Variants in PIK3R4 observed in about 807,000 individuals in gnomAD.
The protein encoded by PIK3R4 is phosphoinositide-3-kinase regulatory subunit 4, also known as phosphoinositide 3-kinase regulatory subunit 4.
A neutral mutation model predicts 136.5 loss-of-function variants in PIK3R4; 46 were observed. The observed-to-expected ratio is 0.34, with a 90% CI of 0.27 to 0.43. The LOEUF (loss-of-function observed/expected upper bound fraction) is 0.43, where lower values mean the gene tolerates loss of function less well. PIK3R4 is among the 20% of genes least tolerant of loss of function. The pLI, the probability that PIK3R4 is intolerant of heterozygous loss-of-function variation, is 1.00. For synonymous variants in PIK3R4, 557 were observed against 566.7 expected (o/e 0.98, Z 0.24); for missense variants, 1,331 against 1,649.5 (o/e 0.81, Z 3.35).
rs755702968 is a variant in PIK3R4 at position 130,680,726 on chromosome 3, G to A, written c.3798-5C>T. 44 of 1,547,444 alleles carry A rather than the reference G, an allele frequency of 2.8e-5. No individual in the cohort carries two copies. The highest frequency in any genetic ancestry group is 3.9e-5 in the Non-Finnish European group (44 of 1,122,436). On this transcript the variant is annotated splice_region_variant and splice_polypyrimidine_tract_variant and intron_variant, in intron 18 of 19. Transcript: ENST00000356763. ...GGGTAAGCCAAGTCCCAAAACCTAG[G>A]AAAGAGGAAATAAATGATGACAATC...
chr3:130,680,284 C>T (rs189731457), intron 19 of PIK3R4, among the ~76,000 whole-genome samples: 40 of 152,228 alleles, frequency 2.6e-4, no homozygotes, highest in African/African-American at 9.1e-4. Context: ...GTTTAAATCC[C>T]AGCTTTCTGT....
At chr3:130,683,629 C>A (rs2066471848) in intron 16 of PIK3R4, among the ~76,000 whole-genome samples, 1 of 151,926 alleles carries the variant, frequency 6.6e-6, no homozygotes, top group Non-Finnish European at 1.5e-5. Context: ...CAAGAAGGGA[C>A]CACAAAGAGC....
intron 9 of PIK3R4, among the ~76,000 whole-genome samples, chr3:130,713,138 G>T (rs2107611124): frequency 6.6e-6 from 1 of 152,286 alleles, no homozygotes; most frequent in Middle Eastern, 3.4e-3. Flanking sequence ...TAAAGTCATT[G>T]CTGGCTTTCA....
At chr3:130,723,770 T>C (rs2107615786) in intron 6 of PIK3R4, 183 bp from the exon 7 acceptor site, 1 of 490,926 alleles carries the variant, frequency 2.0e-6, no homozygotes, top group East Asian at 3.4e-5. Context: ...CATCAGGAAA[T>C]TCTCGGACAC....
In PIK3R4 at chr3:130,696,505, G is replaced by A. The variant is rs993555575; in HGVS notation, c.3099-5851C>T. Among the ~76,000 whole-genome samples the A allele has an allele frequency of 4.6e-5, 7 of 151,916 alleles. 1 individual carries two copies. Among genetic ancestry groups the A allele is most frequent in the South Asian group, 2.1e-4 (1 of 4,790 alleles). The stretch of plus-strand genomic sequence containing the variant: ...GTATTTTCTAATTTCCCTTTGAAAC[G>A]CTGGGTATTTAGCCATATGTTGTTT... On this transcript the variant is annotated intron_variant, in intron 13 of 19. Transcript: ENST00000356763.
At chr3:130,736,966 G>T (rs916257013) in intron 2 of PIK3R4, among the ~76,000 whole-genome samples, 1 of 152,204 alleles carries the variant, frequency 6.6e-6, no homozygotes, top group African/African-American at 2.4e-5. Flanking sequence ...CAGAAATTTT[G>T]TAAGTATCCA....
At chr3:130,695,635 A>G (rs902861880) in intron 13 of PIK3R4, among the ~76,000 whole-genome samples, 1 of 152,188 alleles carries the variant, frequency 6.6e-6, no homozygotes, top group East Asian at 1.9e-4. Flanking sequence ...ACAGAACAGT[A>G]AGACATTTTG....
intron 6 of PIK3R4, among the ~76,000 whole-genome samples, chr3:130,727,905 T>A (rs1347457898): frequency 6.6e-6 from 1 of 152,082 alleles, no homozygotes; most frequent in Non-Finnish European, 1.5e-5. Flanking sequence ...ACTTTAGATA[T>A]ATCTAAAAAT....
chr3:130,715,566 A>G (rs891201202), intron 9 of PIK3R4, among the ~76,000 whole-genome samples: 6 of 151,972 alleles, frequency 3.9e-5, no homozygotes, highest in Non-Finnish European at 8.8e-5. Flanking sequence ...CTTTTTTTGA[A>G]AAGTGTCTAT....
Position 130,707,074 on chromosome 3 carries a change from T to C in PIK3R4, c.2595A>G (p.Ser865=), listed in dbSNP as rs1488626840. 6.2e-7 allele frequency: 1 copy of C among 1,611,454 alleles called. No homozygotes were observed. Among genetic ancestry groups the C allele is most frequent in the African/African-American group, 1.3e-5 (1 of 74,820 alleles). ...VNEEWKSMFG[S]LDPPNMPQAL... ...CCTGTGGCATGTTTGGTGGGTCCAG[T>C]GACCCAAACATGCTTTTCCATTCTT... The change falls in exon 11 of 20, where the codon TCA becomes TCG. Residue 865 remains serine, a synonymous_variant. Transcript: ENST00000356763.
intron 9 of PIK3R4, among the ~76,000 whole-genome samples, chr3:130,716,051 A>C (rs1257742537): frequency 1.3e-5 from 2 of 152,214 alleles, no homozygotes; most frequent in Non-Finnish European, 2.9e-5. Flanking sequence ...CTTCCAGCTA[A>C]ATTTCATTAC....
At chr3:130,682,281 T>C (rs75249753) in intron 16 of PIK3R4, among the ~76,000 whole-genome samples, 3,686 of 152,180 alleles carry the variant, frequency 0.024, 139 homozygotes, top group East Asian at 0.1. Flanking sequence ...CAGAAAGCAG[T>C]ATAACAATGA....
chr3:130,718,686 C>G, intron 7 of PIK3R4, 152 bp from the exon 8 acceptor site: 1 of 628,026 alleles, frequency 1.6e-6, no homozygotes, highest in Non-Finnish European at 2.8e-6. Context: ...GAAGCATAAA[C>G]TCAATCAAGT....
At chr3:130,708,989 G>A (rs1293127996) in intron 9 of PIK3R4, among the ~76,000 whole-genome samples, 1 of 152,096 alleles carries the variant, frequency 6.6e-6, no homozygotes, top group Non-Finnish European at 1.5e-5. Flanking sequence ...ATGCAACTAA[G>A]GGATTGATTG....
rs374081132 is a variant in PIK3R4, at chr3:130,705,550, G to A, written c.2932+11C>T. The A allele has an allele frequency of 8.0e-5, 127 of 1,579,792 alleles. No individual in the cohort carries two copies. The highest frequency in any genetic ancestry group is 3.3e-4 in the Middle Eastern group (2 of 6,022). Reference sequence around the variant, plus strand: ...GACTAGACTACAACTACTTATCAACGGAACTTTTACCAGGTGGTGGTGGTT... The same window carrying A: ...GACTAGACTACAACTACTTATCAACAGAACTTTTACCAGGTGGTGGTGGTT... On this transcript the variant is annotated intron_variant, in intron 12 of 19. Coordinates refer to ENST00000356763, the MANE Select transcript of PIK3R4 (RefSeq NM_014602.3).
At chr3:130,695,291 G>C (rs1203516471) in intron 13 of PIK3R4, among the ~76,000 whole-genome samples, 1 of 152,152 alleles carries the variant, frequency 6.6e-6, no homozygotes, top group South Asian at 2.1e-4. Flanking sequence ...GATGAGTTAA[G>C]AAGTGTTCCC....
rs138350455 is a variant in PIK3R4, at chr3:130,729,099, A to C, written c.1586-415T>G. 4.2e-3 allele frequency among the ~76,000 whole-genome samples: 634 copies of C among 152,288 alleles called. 1 individual carries two copies. Among genetic ancestry groups the C allele is most frequent in the African/African-American group, 0.014 (590 of 41,564 alleles). On this transcript the variant is annotated intron_variant, in intron 5 of 19. Transcript: ENST00000356763. The stretch of plus-strand genomic sequence containing the variant: ...GCAATCCTTTTAGAAAATGTTTTTA[A>C]AGGTCAGTTTATTTTAGAAAGCCAG...
At chr3:130,705,475 TGGTA>T in intron 12 of PIK3R4, 82 bp downstream of exon 12, 1 of 832,132 alleles carries the variant, frequency 1.2e-6, no homozygotes, top group South Asian at 1.7e-5. Context: ...CTCTTTTGTC[TGGTA>T]GTTAAGTATT....
At position 130,735,999 on chromosome 3, in the gene PIK3R4, C is replaced by A; in HGVS notation, c.737G>T (p.Cys246Phe). Residue 246 changes from cysteine to phenylalanine, a missense_variant, in exon 3 of 20, where the codon TGT (cysteine) becomes TTT (phenylalanine). Around this residue, in one of 2 missense-constraint regions of PIK3R4, gnomAD observed 1,180 missense variants for 1,407.0 expected, o/e 0.84. Coordinates refer to ENST00000356763, the MANE Select transcript of PIK3R4 (RefSeq NM_014602.3). ...KRAMDIFSAG[C>F]VIAELFTEGV... ...TTCTGTAAAAAGCTCAGCTATCACA[C>A]AACCTGAAAAATAGCAGGTATAATT... is the stretch of plus-strand genomic sequence containing the variant. The A allele has an allele frequency of 6.2e-7, 1 of 1,605,118 alleles. No homozygotes were observed. The highest frequency in any genetic ancestry group is 8.5e-7 in the Non-Finnish European group (1 of 1,176,696).
Sources: gnomAD v4.1 joint callset for allele counts (sites outside exome capture counted in the v4.1 genomes callset) on GRCh38, gnomAD v4.1.1 for gene constraint, gnomAD v4.1.1 regional missense constraint, MANE v1.5 for transcripts, NCBI Gene and HGNC (gene_info 2026-07-23, HGNC 2026-07-21) for gene names.